PDSS1: variants seen among roughly 807,000 people sequenced by gnomAD.
PDSS1 encodes decaprenyl diphosphate synthase subunit 1.
Under a neutral mutation model 57.5 loss-of-function variants are expected in PDSS1, and 43 were observed. The observed-to-expected ratio is 0.75, with a 90% CI of 0.59 to 0.96. The LOEUF is 0.96. PDSS1 is among the 50% of genes least tolerant of loss of function. The pLI is 0.00. For synonymous variants in PDSS1, 175 were observed against 191.3 expected, an observed-to-expected ratio of 0.91 and a Z score of 0.70; for missense variants, 438 against 527.8, an observed-to-expected ratio of 0.83 and a Z score of 1.67.
intron 5 of PDSS1, among the ~76,000 whole-genome samples, chr10:26,710,594 C>A (rs1835388204): frequency 1.0e-5 from 1 of 95,370 alleles, no homozygotes; most frequent in Non-Finnish European, 2.4e-5. Flanking sequence ...CCCACCTTGG[C>A]CTCCCAAAGT....
chr10:26,743,255 T>C (rs945992464), intron 11 of PDSS1, among the ~76,000 whole-genome samples: 2 of 152,236 alleles, frequency 1.3e-5, no homozygotes, highest in Non-Finnish European at 1.5e-5. Flanking sequence ...GACTGACTCC[T>C]GTGAGAATGA....
chr10:26,742,822 T>A (rs1271407437), intron 11 of PDSS1, among the ~76,000 whole-genome samples: 1 of 152,240 alleles, frequency 6.6e-6, no homozygotes, highest in Non-Finnish European at 1.5e-5. Context: ...CATTAATATC[T>A]TTTAAAAGGT....
chr10:26,736,806 G>C (rs974104708), intron 10 of PDSS1, among the ~76,000 whole-genome samples: 1 of 152,134 alleles, frequency 6.6e-6, no homozygotes, highest in Non-Finnish European at 1.5e-5. Flanking sequence ...GCTGTAAATA[G>C]GTCCTCTCTC....
At chr10:26,728,958 T>A (rs1220797116) in intron 8 of PDSS1, among the ~76,000 whole-genome samples, 1 of 151,860 alleles carries the variant, frequency 6.6e-6, no homozygotes, top group African/African-American at 2.4e-5. Flanking sequence ...TTTTTGTATT[T>A]TTAGTAGAGA....
chr10:26,709,253 A>G (rs957996744), intron 4 of PDSS1, among the ~76,000 whole-genome samples: 7 of 152,084 alleles, frequency 4.6e-5, no homozygotes, highest in Non-Finnish European at 7.4e-5. Flanking sequence ...CTTAAATTAA[A>G]CCAAAGTTTT....
chr10:26,705,431 CT>C, intron 4 of PDSS1, 37 bp downstream of exon 4: 2 of 840,916 alleles, frequency 2.4e-6, no homozygotes, highest in Non-Finnish European at 3.8e-6. Flanking sequence ...AATGTTTTAG[CT>C]TACCAAAACT....
intron 8 of PDSS1, among the ~76,000 whole-genome samples, chr10:26,733,151 G>A (rs1350498837): frequency 6.6e-6 from 1 of 152,118 alleles, no homozygotes. Flanking sequence ...AGTCTCTGTG[G>A]CTCTGTGTTG....
chr10:26,742,042 A>AT (rs1482840734), intron 10 of PDSS1, among the ~76,000 whole-genome samples: 3 of 151,936 alleles, frequency 2.0e-5, no homozygotes, highest in Non-Finnish European at 4.4e-5. Context: ...TGCCCGGCTA[A>AT]TTTTTTGTAT....
intron 10 of PDSS1, 34 bp from the exon 11 acceptor site, chr10:26,742,463 A>C (rs777747270): frequency 6.9e-7 from 1 of 1,451,940 alleles, no homozygotes; most frequent in Admixed American, 1.7e-5. Context: ...AGAAATAAAT[A>C]GATTTTCTCA....
rs1287891230 is a variant in PDSS1, at chr10:26,710,269, G to A, written c.467+501G>A. Reference sequence around the variant, plus strand: ...CTGGCATCTTTTTTTTTTTTGAGACGGAGTCTTGCTCTGTCGCCCAGGCTG... The same window carrying A: ...CTGGCATCTTTTTTTTTTTTGAGACAGAGTCTTGCTCTGTCGCCCAGGCTG... On this transcript the variant is annotated intron_variant, in intron 5 of 11. Transcript: ENST00000376215. Among the ~76,000 whole-genome samples the A allele has an allele frequency of 3.0e-4, 26 of 86,998 alleles. 9 individuals carry two copies. The highest frequency in any genetic ancestry group is 4.9e-4 in the Non-Finnish European group (19 of 38,476). 57.1% of individuals were successfully genotyped at this position (86,998 alleles called of 152,430 possible).
chr10:26,738,886 CAGCG>C (rs1315167285), intron 10 of PDSS1, among the ~76,000 whole-genome samples: 2 of 152,188 alleles, frequency 1.3e-5, no homozygotes, highest in African/African-American at 4.8e-5. Context: ...CAGGGGATGA[CAGCG>C]TCCTCCCATG....
At chr10:26,702,449 C>T (rs574804549) in intron 2 of PDSS1, among the ~76,000 whole-genome samples, 5 of 152,170 alleles carry the variant, frequency 3.3e-5, no homozygotes, top group South Asian at 2.1e-4. Flanking sequence ...CTTGTTATAG[C>T]GAATTCTTAT....
chr10:26,741,157 A>C (rs1024347372), intron 10 of PDSS1, among the ~76,000 whole-genome samples: 3 of 152,066 alleles, frequency 2.0e-5, no homozygotes, highest in African/African-American at 7.2e-5. Flanking sequence ...AGTATAACCA[A>C]AGTCTCTGGG....
chr10:26,720,486 A>C, intron 6 of PDSS1, 127 bp downstream of exon 6: 1 of 738,340 alleles, frequency 1.4e-6, no homozygotes, highest in South Asian at 1.5e-5. Context: ...TCTGAATTTC[A>C]AAAAAGTATT....
chr10:26,741,353 G>A lies in PDSS1; in HGVS notation c.1027-1144G>A, dbSNP rs200498982. ...TACAAAATTAGCCGGGTGTGGTGGC[G>A]CACACCTGTAGTCCCAGCTACTCAG... On this transcript the variant is annotated intron_variant, in intron 10 of 11. Coordinates refer to ENST00000376215, the MANE Select transcript of PDSS1 (RefSeq NM_014317.5). 1.8e-3 allele frequency among the ~76,000 whole-genome samples: 276 copies of A among 152,152 alleles called. 1 individual carries two copies. Among genetic ancestry groups the A allele is most frequent in the East Asian group, 4.1e-3 (21 of 5,170 alleles).
intron 4 of PDSS1, 57 bp from the exon 5 acceptor site, chr10:26,709,581 G>T: frequency 1.3e-6 from 2 of 1,562,514 alleles, no homozygotes; most frequent in African/African-American, 2.7e-5. Flanking sequence ...AAGAAATCCT[G>T]TTGGCTTTCT....
intron 8 of PDSS1, among the ~76,000 whole-genome samples, chr10:26,730,334 GCA>G (rs1358335301): frequency 6.6e-6 from 1 of 152,022 alleles, no homozygotes; most frequent in African/African-American, 2.4e-5. Context: ...ACGTGGCTGG[GCA>G]CAGTGTCTCA....
At chr10:26,705,510 G>A in intron 4 of PDSS1, 116 bp downstream of exon 4, 1 of 432,610 alleles carries the variant, frequency 2.3e-6, no homozygotes, top group Non-Finnish European at 4.1e-6. Flanking sequence ...GTCTCACTCT[G>A]TTGCCCAGGC....
chr10:26,709,398 A>G (rs1835346401), intron 4 of PDSS1, among the ~76,000 whole-genome samples: 1 of 152,100 alleles, frequency 6.6e-6, no homozygotes, highest in South Asian at 2.1e-4. Flanking sequence ...CGTCTCTACT[A>G]AAAATACAAA....
Sources: gnomAD v4.1 joint callset for allele counts (sites outside exome capture counted in the v4.1 genomes callset) on GRCh38, gnomAD v4.1.1 for gene constraint, MANE v1.5 for transcripts, NCBI Gene and HGNC (gene_info 2026-07-23, HGNC 2026-07-21) for gene names.